Variants in YWHAE observed in about 807,000 individuals in gnomAD.
The protein encoded by YWHAE is tyrosine 3-monooxygenase/tryptophan 5-monooxygenase activation protein epsilon, also known as 14-3-3 protein epsilon.
YWHAE carries 4 observed loss-of-function variants against 30.1 expected under a neutral mutation model. That is an observed-to-expected ratio of 0.13 (90% confidence interval 0.07 to 0.30). The LOEUF (loss-of-function observed/expected upper bound fraction) is 0.30, where lower values mean the gene tolerates loss of function less well. YWHAE is among the 10% of genes least tolerant of loss of function. YWHAE has a pLI of 1.00. For missense variants in YWHAE, 121 were observed against 315.9 expected, an observed-to-expected ratio of 0.38 and a Z score of 4.68; for synonymous variants, 118 against 111.8, an observed-to-expected ratio of 1.06 and a Z score of -0.35.
rs1470638939 is a variant in YWHAE at position 1,363,556 on chromosome 17, C to T, written c.264+1303G>A. Among the ~76,000 whole-genome samples, 6 of 152,268 alleles carry T rather than the reference C, an allele frequency of 3.9e-5. No individual in the cohort carries two copies. In the East Asian group the frequency reaches 7.7e-4, roughly 20 times the overall value. ...CTGGGATTACAGGCATGAGCCACCACGGAAGGCCCCAGCTCACAACTTTCT... is the reference window on the plus strand; with the variant it reads ...CTGGGATTACAGGCATGAGCCACCATGGAAGGCCCCAGCTCACAACTTTCT... On this transcript the variant is annotated intron_variant, in intron 2 of 5. Transcript: ENST00000264335.
chr17:1,383,178 C>G (rs2073242567), intron 1 of YWHAE, among the ~76,000 whole-genome samples: 1 of 151,764 alleles, frequency 6.6e-6, no homozygotes, highest in Admixed American at 6.6e-5. Context: ...TAGAGAAACC[C>G]CATCTCTACT....
intron 1 of YWHAE, among the ~76,000 whole-genome samples, chr17:1,396,579 C>A (rs963180806): frequency 6.6e-6 from 1 of 152,126 alleles, no homozygotes; most frequent in East Asian, 1.9e-4. Flanking sequence ...CCCCACAAGC[C>A]CAAATGTAGT....
intron 1 of YWHAE, among the ~76,000 whole-genome samples, chr17:1,391,686 T>C (rs929930638): frequency 2.6e-5 from 4 of 152,196 alleles, no homozygotes; most frequent in African/African-American, 9.7e-5. Flanking sequence ...TACCTAAATA[T>C]ATCAAGCTGG....
At chr17:1,368,801 T>C (rs2072985535) in intron 1 of YWHAE, among the ~76,000 whole-genome samples, 1 of 152,216 alleles carries the variant, frequency 6.6e-6, no homozygotes, top group Non-Finnish European at 1.5e-5. Context: ...CTTTCTAAAC[T>C]GATCGCAAAG....
intron 4 of YWHAE, among the ~76,000 whole-genome samples, chr17:1,354,953 C>T (rs2072703665): frequency 1.4e-5 from 2 of 142,602 alleles, no homozygotes; most frequent in South Asian, 2.3e-4. Context: ...TGAGCCACCG[C>T]GCCCAGCCTA....
chr17:1,350,757 A>G (rs1321891509), intron 5 of YWHAE, among the ~76,000 whole-genome samples: 2 of 148,760 alleles, frequency 1.3e-5, no homozygotes, highest in Non-Finnish European at 2.9e-5. Context: ...TTTTATTAAA[A>G]TAATAATAAT....
intron 5 of YWHAE, chr17:1,352,310 G>A (rs2072647964): frequency 6.6e-6 from 1 of 152,108 alleles, no homozygotes; most frequent in Non-Finnish European, 1.5e-5. Context: ...GTTAAAAGCT[G>A]AGTCACCTAA....
chr17:1,362,403 T>C (rs1283946774), intron 2 of YWHAE, among the ~76,000 whole-genome samples: 1 of 152,066 alleles, frequency 6.6e-6, no homozygotes, highest in Non-Finnish European at 1.5e-5. Flanking sequence ...TGCTCTAAGA[T>C]CAACAATTAA....
rs55734488 is a variant in YWHAE at position 1,361,317 on chromosome 17, TAAAA to T, written c.372-23_372-20del. ...CCCTTTCCTAAAACAAAACCAAAAT[TAAAA>T]AAAAAAAAAAAATTTAAACTAGGAA... is the stretch of plus-strand genomic sequence containing the variant. On this transcript the variant is annotated intron_variant, in intron 3 of 5. Coordinates refer to ENST00000264335, the MANE Select transcript of YWHAE (RefSeq NM_006761.5). The T allele has an allele frequency of 1.5e-5, 21 of 1,358,776 alleles. No individual in the cohort carries two copies. The highest frequency in any genetic ancestry group is 7.6e-5 in the Admixed American group (3 of 39,530). 84.2% of individuals were successfully genotyped at this position (1,358,776 alleles called of 1,614,324 possible).
At chr17:1,365,196 TA>T (rs1227568976) in intron 1 of YWHAE, 138 bp from the exon 2 acceptor site, 2 of 1,032,962 alleles carry the variant, frequency 1.9e-6, no homozygotes, top group African/African-American at 1.6e-5. Context: ...TCAAAACTAA[TA>T]TGAGTAAAAA....
intron 4 of YWHAE, 111 bp downstream of exon 4, chr17:1,360,981 T>C: frequency 1.0e-6 from 1 of 982,470 alleles, no homozygotes; most frequent in South Asian, 1.5e-5. Context: ...GCCAAAAGAA[T>C]TACTATGCAG....
rs1334356998 is a variant in YWHAE at position 1,359,731 on chromosome 17, C to T, written c.578+1361G>A. ...TATTGATTGTTTAATGGCTATAATT[C>T]GCTTTGTGTGGGGTGAAGAGAAAGT... On this transcript the variant is annotated intron_variant, in intron 4 of 5. Transcript: ENST00000264335. Among the ~76,000 whole-genome samples, 7 of 150,846 alleles carry T rather than the reference C, an allele frequency of 4.6e-5. No homozygotes were observed. In the South Asian group the frequency reaches 1.5e-3, roughly 32 times the overall value.
chr17:1,381,445 G>A (rs1221137558), intron 1 of YWHAE, among the ~76,000 whole-genome samples: 1 of 152,128 alleles, frequency 6.6e-6, no homozygotes, highest in Admixed American at 6.6e-5. Context: ...GGAGGTGGAG[G>A]TTGCAGTGAG....
At chr17:1,393,881 G>A (rs1187217921) in intron 1 of YWHAE, among the ~76,000 whole-genome samples, 1 of 152,128 alleles carries the variant, frequency 6.6e-6, no homozygotes, top group Non-Finnish European at 1.5e-5. Flanking sequence ...TGTGCCTTGA[G>A]ATGGGATTTT....
intron 1 of YWHAE, among the ~76,000 whole-genome samples, chr17:1,371,823 G>A (rs1205062562): frequency 6.6e-6 from 1 of 150,436 alleles, no homozygotes; most frequent in African/African-American, 2.4e-5. Flanking sequence ...ATCAGCACAT[G>A]CTACTTGACC....
At chr17:1,369,053 C>T (rs1196506624) in intron 1 of YWHAE, among the ~76,000 whole-genome samples, 1 of 152,208 alleles carries the variant, frequency 6.6e-6, no homozygotes, top group Non-Finnish European at 1.5e-5. Flanking sequence ...CTCAGTGATA[C>T]TCTACTGTTC....
At chr17:1,345,911 A>AATAATT (rs2072509473) in intron 5 of YWHAE, among the ~76,000 whole-genome samples, 2 of 152,330 alleles carry the variant, frequency 1.3e-5, no homozygotes, top group Admixed American at 1.3e-4. Context: ...ATTTACCCAC[A>AATAATT]AGCTAATTAT....
intron 4 of YWHAE, among the ~76,000 whole-genome samples, chr17:1,357,359 C>A (rs1418074580): frequency 7.1e-6 from 1 of 141,002 alleles, no homozygotes; most frequent in African/African-American, 2.7e-5. Flanking sequence ...GCCGAGATCG[C>A]GCTACTGCAC....
intron 1 of YWHAE, among the ~76,000 whole-genome samples, chr17:1,384,266 C>A (rs538491886): frequency 6.6e-6 from 1 of 151,310 alleles, no homozygotes; most frequent in South Asian, 2.1e-4. Context: ...GTCCCAGCTA[C>A]CCAGGACGCA....
Sources: allele counts gnomAD v4.1 joint callset (sites outside exome capture counted in the v4.1 genomes callset), GRCh38; gene constraint gnomAD v4.1.1; transcripts MANE v1.5; gene names NCBI Gene and HGNC (gene_info 2026-07-23, HGNC 2026-07-21).